TET3: variants seen among roughly 807,000 people sequenced by gnomAD.
The protein encoded by TET3 is tet methylcytosine dioxygenase 3.
Under a neutral mutation model 141.4 loss-of-function variants are expected in TET3, and 19 were observed. The observed-to-expected ratio is 0.13, with a 90% confidence interval of 0.09 to 0.20. The LOEUF is 0.20. TET3 is among the 10% of genes least tolerant of loss of function. The pLI, the probability that TET3 is intolerant of heterozygous loss-of-function variation, is 1.00. For missense variants in TET3, 1,874 were observed against 2,356.9 expected, an observed-to-expected ratio of 0.80 and a Z score of 4.24; for synonymous variants, 1,043 against 980.9, an observed-to-expected ratio of 1.06 and a Z score of -1.18.
chr2:74,085,322 C>T (rs1174475683), intron 6 of TET3, among the ~76,000 whole-genome samples: 1 of 152,176 alleles, frequency 6.6e-6, no homozygotes, highest in African/African-American at 2.4e-5. Context: ...GTTGATGGGG[C>T]AGATGCTTTT....
chr2:74,135,129 G>C, the TET3 span: 1 of 219,574 alleles, frequency 4.6e-6, no homozygotes, highest in South Asian at 6.8e-5. Context: ...GTCCATTTCA[G>C]AGCATAAGAA....
chr2:74,125,872 C>G, the TET3 span, among the ~76,000 whole-genome samples: 1 of 151,998 alleles, frequency 6.6e-6, no homozygotes, highest in African/African-American at 2.4e-5. Flanking sequence ...TTGAACTATG[C>G]TAGTTTGTTA....
intron 3 of TET3, among the ~76,000 whole-genome samples, chr2:74,006,736 C>T (rs907587640): frequency 1.3e-5 from 2 of 152,182 alleles, no homozygotes; most frequent in African/African-American, 2.4e-5. Context: ...TTTTGGGTCT[C>T]ACAATCCTCT....
At chr2:74,070,609 C>G (rs541892755) in intron 4 of TET3, among the ~76,000 whole-genome samples, 1 of 152,210 alleles carries the variant, frequency 6.6e-6, no homozygotes, top group African/African-American at 2.4e-5. Flanking sequence ...CATAATATCA[C>G]TACTGCATTT....
intron 3 of TET3, among the ~76,000 whole-genome samples, chr2:74,042,530 G>A (rs1687393458): frequency 6.6e-6 from 1 of 152,232 alleles, no homozygotes; most frequent in Admixed American, 6.5e-5. Flanking sequence ...ATATAGGCAA[G>A]TAAAACAAAC....
intron 10 of TET3, among the ~76,000 whole-genome samples, chr2:74,096,938 CA>C (rs1462250784): frequency 6.7e-6 from 1 of 150,254 alleles, no homozygotes; most frequent in African/African-American, 2.5e-5. Context: ...CAAAAAATAC[CA>C]AAAATTTGCT....
Position 74,103,952 on chromosome 2 carries a change from G to C in TET3, c.*1776G>C, listed in dbSNP as rs1691368491. ...ACAATCAGATGACCGCTATAGGCAAGTTCCTGAGCTTCCGGGTGCCTTGAG... is the reference window on the plus strand; with the variant it reads ...ACAATCAGATGACCGCTATAGGCAACTTCCTGAGCTTCCGGGTGCCTTGAG... On this transcript the variant is annotated 3_prime_UTR_variant, in exon 12 of 12. Transcript: ENST00000409262. 1 of 153,742 alleles carries C rather than the reference G, an allele frequency of 6.5e-6. No individual in the cohort carries two copies. Among genetic ancestry groups the C allele is most frequent in the Admixed American group, 6.5e-5 (1 of 15,282 alleles). 9.5% of individuals were successfully genotyped at this position (153,742 alleles called of 1,614,324 possible). A position where few individuals can be genotyped will look rare whatever the true frequency, so the allele number is the denominator to read the frequency against.
chr2:74,081,102 G>A lies in TET3; in HGVS notation c.2679+511G>A, dbSNP rs77160689. 7.2e-3 allele frequency among the ~76,000 whole-genome samples: 1,099 copies of A among 152,318 alleles called. 40 individuals are homozygous for A. In the East Asian group the frequency reaches 0.13, roughly 18 times the overall value. On this transcript the variant is annotated intron_variant, in intron 6 of 11. Coordinates refer to ENST00000409262, the MANE Select transcript of TET3 (RefSeq NM_001287491.2). ...ACCTGAGGGAAGAGGCCAGGGCTCTGGGCAGCACTGTGGGCCAGTCTTGCC... is the reference window on the plus strand; with the variant it reads ...ACCTGAGGGAAGAGGCCAGGGCTCTAGGCAGCACTGTGGGCCAGTCTTGCC...
chr2:73,999,664 T>A (rs761911379), intron 2 of TET3, among the ~76,000 whole-genome samples: 40 of 152,006 alleles, frequency 2.6e-4, no homozygotes, highest in African/African-American at 9.2e-4. Context: ...GGGGTTGTGA[T>A]AGAAGATGGG....
chr2:74,088,101 A>C, intron 7 of TET3, 63 bp downstream of exon 7: 1 of 1,495,898 alleles, frequency 6.7e-7, no homozygotes, highest in Non-Finnish European at 9.0e-7. Context: ...CAAATACAGG[A>C]GACTGCAGGC....
At chr2:74,041,890 G>A (rs959464049) in intron 3 of TET3, among the ~76,000 whole-genome samples, 6 of 152,150 alleles carry the variant, frequency 3.9e-5, no homozygotes, top group Non-Finnish European at 7.3e-5. Context: ...CTAAGTATGA[G>A]ACCCTGTTTA....
intron 3 of TET3, among the ~76,000 whole-genome samples, chr2:74,012,890 A>G (rs1685531486): frequency 2.0e-5 from 3 of 151,610 alleles, no homozygotes; most frequent in Non-Finnish European, 4.4e-5. Flanking sequence ...TTAGTAGTGG[A>G]TGTTTGCTTT....
downstream of TET3, among the ~76,000 whole-genome samples, chr2:74,108,841 A>T (rs1266154405): frequency 6.6e-6 from 1 of 152,180 alleles, no homozygotes; most frequent in Non-Finnish European, 1.5e-5. Context: ...GTTGATAAGG[A>T]CTTCAGCAAT....
intron 3 of TET3, among the ~76,000 whole-genome samples, chr2:74,014,137 C>A (rs1685608352): frequency 6.6e-6 from 1 of 152,070 alleles, no homozygotes; most frequent in Non-Finnish European, 1.5e-5. Context: ...TTAATTTCTA[C>A]TGTAGTCTTA....
At chr2:74,081,097 G>T (rs1689796841) in intron 6 of TET3, among the ~76,000 whole-genome samples, 1 of 152,200 alleles carries the variant, frequency 6.6e-6, no homozygotes, top group South Asian at 2.1e-4. Flanking sequence ...AGAGGCCAGG[G>T]CTCTGGGCAG....
At position 74,070,848 on chromosome 2, in the gene TET3, A is replaced by T. The variant is rs535545072; in HGVS notation, c.2495-2701A>T. 4.6e-5 allele frequency among the ~76,000 whole-genome samples: 7 copies of T among 152,162 alleles called. No homozygotes were observed. In the South Asian group the frequency reaches 1.0e-3, roughly 23 times the overall value. On this transcript the variant is annotated intron_variant, in intron 4 of 11. Coordinates refer to ENST00000409262, the MANE Select transcript of TET3 (RefSeq NM_001287491.2). The stretch of plus-strand genomic sequence containing the variant: ...AAATTTGCCAGGCATGGTGGTGCAC[A>T]CCTGTAGTCCCAGCTACTCAGGAGG...
intron 2 of TET3, among the ~76,000 whole-genome samples, chr2:73,988,410 T>C (rs938234652): frequency 6.6e-6 from 1 of 152,176 alleles, no homozygotes; most frequent in African/African-American, 2.4e-5. Context: ...GGGCTAGATG[T>C]TCTTGGAAGC....
chr2:73,994,913 A>G (rs1264778329), intron 2 of TET3, among the ~76,000 whole-genome samples: 1 of 151,248 alleles, frequency 6.6e-6, no homozygotes, highest in Non-Finnish European at 1.5e-5. Context: ...CTGGGATTAC[A>G]GGCATGAGCC....
intron 4 of TET3, among the ~76,000 whole-genome samples, chr2:74,050,955 A>G (rs1300094998): frequency 6.6e-6 from 1 of 152,068 alleles, no homozygotes; most frequent in Non-Finnish European, 1.5e-5. Context: ...ATGCTGTTGT[A>G]TGGAAGTGGC....
Sources: gnomAD v4.1 joint callset for allele counts (sites outside exome capture counted in the v4.1 genomes callset) on GRCh38, gnomAD v4.1.1 for gene constraint, MANE v1.5 for transcripts, NCBI Gene and HGNC (gene_info 2026-07-23, HGNC 2026-07-21) for gene names.